Variants in EDIL3 observed in about 807,000 individuals in gnomAD.
EDIL3 encodes the protein EGF like and discoidin domains 3.
A neutral mutation model predicts 67.4 loss-of-function variants in EDIL3; 37 were observed. The ratio of observed to expected loss-of-function variants is 0.55; its 90% CI spans 0.42 to 0.72. The LOEUF is 0.72. Ranked by LOEUF, EDIL3 falls within the 30% of genes least tolerant of loss-of-function variation. The pLI, the probability that EDIL3 is intolerant of heterozygous loss-of-function variation, is 0.00. For missense variants in EDIL3, 527 were observed against 586.3 expected (o/e 0.90, Z 1.04); for synonymous variants, 195 against 196.3 (o/e 0.99, Z 0.05).
At chr5:84,141,523 C>T (rs1369090542) in intron 4 of EDIL3, among the ~76,000 whole-genome samples, 2 of 142,282 alleles carry the variant, frequency 1.4e-5, no homozygotes, top group East Asian at 2.0e-4. Context: ...TACATATATG[C>T]GATATATATG....
rs748744894 is a variant in EDIL3 at position 84,230,736 on chromosome 5, TTCTC to T, written c.197-856_197-853del. 5.3e-5 allele frequency among the ~76,000 whole-genome samples: 7 copies of T among 133,292 alleles called. No homozygotes were observed. In the East Asian group the frequency reaches 7.0e-4, roughly 13 times the overall value. 87.4% of individuals were successfully genotyped at this position (133,292 alleles called of 152,430 possible). A position where few individuals can be genotyped will look rare whatever the true frequency, so the allele number is the denominator to read the frequency against. On this transcript the variant is annotated intron_variant, in intron 2 of 10. Transcript: ENST00000296591. ...CTTTTCTTAAACATGAAGATTCCAG[TTCTC>T]TCTCTCTCTCTCCCACTACGTGATG... is the stretch of plus-strand genomic sequence containing the variant.
chr5:84,022,236 C>A (rs1044567922), intron 9 of EDIL3, among the ~76,000 whole-genome samples: 11 of 151,780 alleles, frequency 7.2e-5, no homozygotes, highest in Admixed American at 7.2e-4. Flanking sequence ...AGATTTATAC[C>A]AGGGATGCAA....
intron 1 of EDIL3, among the ~76,000 whole-genome samples, chr5:84,261,728 A>C (rs763460664): frequency 6.6e-6 from 1 of 152,208 alleles, no homozygotes; most frequent in Non-Finnish European, 1.5e-5. Context: ...AGAATCCAAA[A>C]ATAACCACAG....
At chr5:84,122,068 A>G (rs940727922) in intron 5 of EDIL3, among the ~76,000 whole-genome samples, 1 of 151,946 alleles carries the variant, frequency 6.6e-6, no homozygotes, top group Admixed American at 6.6e-5. Context: ...CTACCTTGCA[A>G]TGCAAACTCT....
At chr5:84,256,708 T>C (rs1745130774) in intron 1 of EDIL3, among the ~76,000 whole-genome samples, 1 of 152,150 alleles carries the variant, frequency 6.6e-6, no homozygotes, top group African/African-American at 2.4e-5. Context: ...GGAAAGTGTA[T>C]CACCACATTT....
chr5:84,268,063 G>C (rs1465583174), intron 1 of EDIL3, among the ~76,000 whole-genome samples: 3 of 152,122 alleles, frequency 2.0e-5, no homozygotes, highest in Non-Finnish European at 4.4e-5. Context: ...CTTGAACCCG[G>C]GAGGCAGAGG....
intron 2 of EDIL3, among the ~76,000 whole-genome samples, chr5:84,230,514 TCTC>T (rs1222774606): frequency 6.6e-6 from 1 of 151,954 alleles, no homozygotes; most frequent in Non-Finnish European, 1.5e-5. Context: ...TTCAAGCAAT[TCTC>T]CTGTCTCAGC....
intron 1 of EDIL3, among the ~76,000 whole-genome samples, chr5:84,290,580 A>C (rs1457462164): frequency 6.6e-6 from 1 of 152,202 alleles, no homozygotes; most frequent in Non-Finnish European, 1.5e-5. Context: ...GGAAGAAAGA[A>C]ATATTTTTCT....
intron 9 of EDIL3, among the ~76,000 whole-genome samples, chr5:84,022,862 C>T (rs912286733): frequency 6.6e-6 from 1 of 151,812 alleles, no homozygotes; most frequent in Non-Finnish European, 1.5e-5. Context: ...TAGTTAGCAA[C>T]AATGTACTAT....
chr5:84,192,154 A>C (rs182966833), intron 3 of EDIL3, among the ~76,000 whole-genome samples: 1 of 151,830 alleles, frequency 6.6e-6, no homozygotes, highest in East Asian at 1.9e-4. Flanking sequence ...CAAAATCATA[A>C]GATTTTTTTA....
chr5:84,337,377 T>G (rs949419423), intron 1 of EDIL3, among the ~76,000 whole-genome samples: 1 of 151,840 alleles, frequency 6.6e-6, no homozygotes, highest in Non-Finnish European at 1.5e-5. Context: ...AGAGAGGGAG[T>G]GGGGAGACTA....
At chr5:84,379,088 T>C (rs769560301) in intron 1 of EDIL3, among the ~76,000 whole-genome samples, 2 of 152,080 alleles carry the variant, frequency 1.3e-5, no homozygotes, top group Non-Finnish European at 1.5e-5. Context: ...CTAGGAGAAC[T>C]CTGACACAGA....
At chr5:84,044,858 T>C (rs1470398291) in intron 9 of EDIL3, among the ~76,000 whole-genome samples, 1 of 152,138 alleles carries the variant, frequency 6.6e-6, no homozygotes, top group African/African-American at 2.4e-5. Context: ...GAGGGTGGGC[T>C]GCCGAGAAAC....
chr5:84,011,846 A>G (rs1745522362), intron 9 of EDIL3, among the ~76,000 whole-genome samples: 1 of 152,166 alleles, frequency 6.6e-6, no homozygotes, highest in Admixed American at 6.6e-5. Flanking sequence ...TACTCTATCT[A>G]AAACAGCAAT....
chr5:84,181,724 A>C (rs893156837), intron 3 of EDIL3, among the ~76,000 whole-genome samples: 6 of 152,194 alleles, frequency 3.9e-5, no homozygotes, highest in African/African-American at 1.4e-4. Flanking sequence ...GATTGTGAAG[A>C]AGGGAAGAGT....
chr5:84,236,877 G>A (rs1744693443), intron 2 of EDIL3, among the ~76,000 whole-genome samples: 1 of 151,562 alleles, frequency 6.6e-6, no homozygotes, highest in South Asian at 2.1e-4. Flanking sequence ...AAGGGATAAA[G>A]CAGATCAAAA....
intron 1 of EDIL3, among the ~76,000 whole-genome samples, chr5:84,372,897 T>A (rs1747884855): frequency 6.6e-6 from 1 of 152,158 alleles, no homozygotes; most frequent in Admixed American, 6.5e-5. Flanking sequence ...ATGAAGACAG[T>A]CAAAGAGAAT....
Position 84,286,059 on chromosome 5 carries a change from G to C in EDIL3, c.68-31847C>G, listed in dbSNP as rs986584790. On this transcript the variant is annotated intron_variant, in intron 1 of 10. Coordinates refer to ENST00000296591, the MANE Select transcript of EDIL3 (RefSeq NM_005711.5). ...TCACCCAAGATGAAACTCTTGTCCT[G>C]TATCTTTAAATTTTTGCTTTAGCTC... is the stretch of plus-strand genomic sequence containing the variant. Among the ~76,000 whole-genome samples, 13 of 152,162 alleles carry C rather than the reference G, an allele frequency of 8.5e-5. No homozygotes were observed. The East Asian group carries it at 2.1e-3, about 25-fold the overall frequency.
At chr5:84,175,584 G>A (rs1748888439) in intron 4 of EDIL3, among the ~76,000 whole-genome samples, 2 of 152,148 alleles carry the variant, frequency 1.3e-5, no homozygotes, top group Non-Finnish European at 2.9e-5. Context: ...ACAGTGTCAA[G>A]GTCTCAGTGC....
Sources: gnomAD v4.1 joint callset for allele counts (sites outside exome capture counted in the v4.1 genomes callset) on GRCh38, gnomAD v4.1.1 for gene constraint, MANE v1.5 for transcripts, NCBI Gene and HGNC (gene_info 2026-07-23, HGNC 2026-07-21) for gene names.